Variants in CNTN4 observed in about 807,000 individuals in gnomAD.
The protein encoded by CNTN4 is contactin-4.
CNTN4 carries 77 observed loss-of-function variants against 122.5 expected under a neutral mutation model. That is an observed-to-expected ratio of 0.63 (90% CI 0.52 to 0.76). The LOEUF (loss-of-function observed/expected upper bound fraction) is 0.76, where lower values mean the gene tolerates loss of function less well. CNTN4 is among the 30% of genes least tolerant of loss of function. CNTN4 has a pLI of 0.00. For synonymous variants in CNTN4, 512 were observed against 447.0 expected, an observed-to-expected ratio of 1.15 and a Z score of -1.83; for missense variants, 1,256 against 1,259.1, an observed-to-expected ratio of 1.00 and a Z score of 0.04.
chr3:2,159,378 A>G (rs1378426972), intron 2 of CNTN4, among the ~76,000 whole-genome samples: 1 of 152,202 alleles, frequency 6.6e-6, no homozygotes, highest in Non-Finnish European at 1.5e-5. Context: ...ATTGTTAGGC[A>G]TAAATTATCT....
chr3:2,871,413 G>A (rs1198100751), intron 8 of CNTN4, among the ~76,000 whole-genome samples: 6 of 152,166 alleles, frequency 3.9e-5, no homozygotes, highest in African/African-American at 1.4e-4. Flanking sequence ...ACAGGGAAAA[G>A]TGGAATAATA....
At chr3:2,542,133 C>T (rs2078054474) in intron 3 of CNTN4, among the ~76,000 whole-genome samples, 1 of 152,044 alleles carries the variant, frequency 6.6e-6, no homozygotes, top group African/African-American at 2.4e-5. Flanking sequence ...TATTTTTAGC[C>T]TGGACATAAC....
At chr3:2,292,314 T>C (rs925024741) in intron 2 of CNTN4, among the ~76,000 whole-genome samples, 6 of 152,234 alleles carry the variant, frequency 3.9e-5, no homozygotes, top group African/African-American at 1.4e-4. Context: ...TAGTGAATAA[T>C]TGTCACTTAG....
chr3:2,468,005 A>T (rs901610134), intron 3 of CNTN4, among the ~76,000 whole-genome samples: 3 of 152,154 alleles, frequency 2.0e-5, no homozygotes, highest in African/African-American at 7.2e-5. Flanking sequence ...ACAAAGTTAT[A>T]CCCAGACCCA....
At chr3:2,393,235 G>A (rs1356336918) in intron 3 of CNTN4, among the ~76,000 whole-genome samples, 1 of 124,320 alleles carries the variant, frequency 8.0e-6, no homozygotes, top group Non-Finnish European at 1.7e-5. Context: ...GAGAATACCA[G>A]TCATAATGGA....
intron 4 of CNTN4, among the ~76,000 whole-genome samples, chr3:2,683,097 T>A (rs1391604074): frequency 6.6e-6 from 1 of 152,138 alleles, no homozygotes; most frequent in African/African-American, 2.4e-5. Context: ...ACCACCATTA[T>A]TTTTATAGCA....
At chr3:2,260,349 T>G (rs1195750211) in intron 2 of CNTN4, among the ~76,000 whole-genome samples, 1 of 152,146 alleles carries the variant, frequency 6.6e-6, no homozygotes, top group African/African-American at 2.4e-5. Context: ...TTATCATTTT[T>G]TTTTTGGCTT....
intron 3 of CNTN4, among the ~76,000 whole-genome samples, chr3:2,340,368 G>T (rs2044136894): frequency 6.6e-6 from 1 of 151,918 alleles, no homozygotes; most frequent in Non-Finnish European, 1.5e-5. Flanking sequence ...TTGATGGCCA[G>T]CTTTTCTCCC....
chr3:2,296,607 G>A (rs1016590322), intron 2 of CNTN4, among the ~76,000 whole-genome samples: 10 of 152,156 alleles, frequency 6.6e-5, no homozygotes, highest in African/African-American at 1.4e-4. Context: ...CTCAGGGTGC[G>A]TAGATACAAA....
chr3:2,270,630 A>G (rs1445079468), intron 2 of CNTN4, among the ~76,000 whole-genome samples: 3 of 152,044 alleles, frequency 2.0e-5, no homozygotes, highest in Admixed American at 6.6e-5. Context: ...GCTTACAGAC[A>G]TGATGACAAG....
intron 7 of CNTN4, among the ~76,000 whole-genome samples, chr3:2,863,210 G>A (rs2093688183): frequency 6.6e-6 from 1 of 152,066 alleles, no homozygotes; most frequent in Non-Finnish European, 1.5e-5. Flanking sequence ...TATTCCAGGT[G>A]GTGATATTTG....
intron 6 of CNTN4, among the ~76,000 whole-genome samples, chr3:2,771,881 A>G (rs1426908503): frequency 6.6e-6 from 1 of 152,214 alleles, no homozygotes; most frequent in African/African-American, 2.4e-5. Flanking sequence ...ACAGTGACTG[A>G]GCAGAGTCTT....
intron 6 of CNTN4, among the ~76,000 whole-genome samples, chr3:2,770,545 C>G (rs1039218660): frequency 6.6e-6 from 1 of 152,206 alleles, no homozygotes. Context: ...AGCTTCAGAT[C>G]TCTGCAAAAT....
At chr3:2,846,762 C>T (rs920428616) in intron 7 of CNTN4, among the ~76,000 whole-genome samples, 1 of 152,098 alleles carries the variant, frequency 6.6e-6, no homozygotes, top group Non-Finnish European at 1.5e-5. Flanking sequence ...CTAGGGAGGC[C>T]GAGGCAGGCC....
intron 2 of CNTN4, among the ~76,000 whole-genome samples, chr3:2,178,275 G>A (rs1177743016): frequency 6.7e-6 from 1 of 148,550 alleles, no homozygotes; most frequent in Non-Finnish European, 1.5e-5. Context: ...TTTTTTTTTT[G>A]TTTTCTGAAG....
chr3:2,688,510 C>T (rs1280565359), intron 4 of CNTN4, among the ~76,000 whole-genome samples: 1 of 152,172 alleles, frequency 6.6e-6, no homozygotes, highest in Non-Finnish European at 1.5e-5. Flanking sequence ...GCACACAGCT[C>T]CTTGATGGTG....
rs532320585 is a variant in CNTN4 at position 2,527,202 on chromosome 3, A to G, written c.-88-44214A>G. ...TGTGAACTCTGGATTCCTTCTGGTC[A>G]TTACATGTCCTCTGGCACTGTTTTC... On this transcript the variant is annotated intron_variant, in intron 3 of 24. Transcript: ENST00000418658. Among the ~76,000 whole-genome samples the G allele has an allele frequency of 4.6e-5, 7 of 152,280 alleles. No individual in the cohort carries two copies. In the South Asian group the frequency reaches 1.4e-3, roughly 32 times the overall value.
chr3:2,575,130 A>G (rs1342626754), intron 4 of CNTN4, among the ~76,000 whole-genome samples: 2 of 152,092 alleles, frequency 1.3e-5, no homozygotes, highest in Admixed American at 6.5e-5. Flanking sequence ...AATTATACAG[A>G]TTTGATCTTT....
intron 2 of CNTN4, among the ~76,000 whole-genome samples, chr3:2,188,034 C>T (rs913627518): frequency 1.3e-5 from 2 of 152,060 alleles, no homozygotes; most frequent in Non-Finnish European, 2.9e-5. Context: ...AGTGGGTTTG[C>T]TATACTTGTC....
Sources: allele counts gnomAD v4.1 joint callset (sites outside exome capture counted in the v4.1 genomes callset), GRCh38; gene constraint gnomAD v4.1.1; transcripts MANE v1.5; gene names NCBI Gene and HGNC (gene_info 2026-07-23, HGNC 2026-07-21).